Variants in PLCB1 observed in about 807,000 individuals in gnomAD.
PLCB1 encodes 1-phosphatidylinositol 4,5-bisphosphate phosphodiesterase beta-1.
In PLCB1, 46 loss-of-function variants were observed where a neutral mutation model predicts 161.8. The observed-to-expected ratio is 0.28, with a 90% confidence interval of 0.22 to 0.36. The LOEUF (loss-of-function observed/expected upper bound fraction) is 0.36. PLCB1 is among the 10% of genes least tolerant of loss of function. The pLI is 1.00. For missense variants in PLCB1, 1,016 were observed against 1,472.5 expected (o/e 0.69, Z 5.07); for synonymous variants, 517 against 503.7 (o/e 1.03, Z -0.35).
chr20:8,439,994 T>C (rs1980483425), intron 3 of PLCB1, among the ~76,000 whole-genome samples: 2 of 152,174 alleles, frequency 1.3e-5, no homozygotes, highest in Admixed American at 6.5e-5. Flanking sequence ...TTGTTAAGGG[T>C]ACATAAGGCA....
chr20:8,752,289 G>A (rs1008466685), intron 23 of PLCB1: 12 of 152,180 alleles, frequency 7.9e-5, no homozygotes, highest in Non-Finnish European at 1.6e-4. Flanking sequence ...AGTTTCCTGT[G>A]TGACCTCTGG....
At chr20:8,332,466 G>A (rs755765182) in intron 2 of PLCB1, among the ~76,000 whole-genome samples, 18 of 152,124 alleles carry the variant, frequency 1.2e-4, no homozygotes, top group Non-Finnish European at 2.2e-4. Flanking sequence ...ATCACTTGTG[G>A]CATATTATCA....
intron 2 of PLCB1, among the ~76,000 whole-genome samples, chr20:8,239,677 T>C (rs538214542): frequency 1.3e-5 from 2 of 152,040 alleles, no homozygotes; most frequent in South Asian, 4.1e-4. Context: ...ACTGAGTTTA[T>C]TGGTTAACAC....
chr20:8,166,075 C>T (rs941040445), intron 2 of PLCB1, among the ~76,000 whole-genome samples: 1 of 152,130 alleles, frequency 6.6e-6, no homozygotes, highest in African/African-American at 2.4e-5. Context: ...TTAAACATGA[C>T]ATGCTTACCC....
intron 10 of PLCB1, 148 bp downstream of exon 10, chr20:8,685,226 C>G (rs980678509): frequency 7.1e-6 from 5 of 703,660 alleles, no homozygotes; most frequent in Non-Finnish European, 1.2e-5. Context: ...ACTAAAGCCT[C>G]CCGCCTCCCA....
intron 3 of PLCB1, among the ~76,000 whole-genome samples, chr20:8,578,398 A>G (rs529062878): frequency 6.6e-5 from 10 of 152,316 alleles, no homozygotes; most frequent in Admixed American, 6.5e-4. Flanking sequence ...AAAGCTGTTG[A>G]CTCATAAAAA....
intron 4 of PLCB1, among the ~76,000 whole-genome samples, chr20:8,631,567 C>T (rs1054143972): frequency 4.6e-5 from 7 of 152,186 alleles, no homozygotes; most frequent in Non-Finnish European, 8.8e-5. Context: ...AGAATCAGCA[C>T]TCTCCACCAC....
chr20:8,815,525 G>A (rs187334899), intron 31 of PLCB1, among the ~76,000 whole-genome samples: 16 of 152,328 alleles, frequency 1.1e-4, no homozygotes, highest in Non-Finnish European at 1.9e-4. Flanking sequence ...TAGATGGTAA[G>A]AGGTGGTGTT....
chr20:8,658,841 T>C lies in PLCB1; in HGVS notation c.862+137T>C. ...GGCATTCCTTTCGGTCTGAAATCAC[T>C]TGGTGGTTCAGTGCACTAGGTTTTT... On this transcript the variant is annotated intron_variant, in intron 9 of 31. Coordinates refer to ENST00000338037, the MANE Select transcript of PLCB1 (RefSeq NM_015192.4). The C allele has an allele frequency of 4.3e-6, 3 of 697,622 alleles. No individual in the cohort carries two copies. In the South Asian group the frequency reaches 6.6e-5, roughly 15 times the overall value. The allele number at this position is 697,622 out of a possible 1,614,324, so 43.2% of individuals were successfully genotyped here.
intron 3 of PLCB1, among the ~76,000 whole-genome samples, chr20:8,461,001 T>C (rs1161114602): frequency 1.3e-5 from 2 of 152,178 alleles, no homozygotes; most frequent in Non-Finnish European, 2.9e-5. Context: ...ACTTGCCCGA[T>C]GTGGTTAATG....
rs1980705846 is a variant in PLCB1, at chr20:8,738,590, CAT to C, written c.2209-669_2209-668del. Among the ~76,000 whole-genome samples, 2 of 151,752 alleles carry C rather than the reference CAT, an allele frequency of 1.3e-5. 1 individual carries two copies. Among genetic ancestry groups the C allele is most frequent in the South Asian group, 4.2e-4 (2 of 4,818 alleles). On this transcript the variant is annotated intron_variant, in intron 20 of 31. Transcript: ENST00000338037. ...AAACACAAATTAAAAAAAAAGAAAA[CAT>C]AAATGAAATATTCACATGGTGATAA...
At chr20:8,423,815 C>G (rs756274513) in intron 3 of PLCB1, among the ~76,000 whole-genome samples, 1 of 152,158 alleles carries the variant, frequency 6.6e-6, no homozygotes, top group Non-Finnish European at 1.5e-5. Flanking sequence ...ATCTCTGCAC[C>G]TGGCTTCAAA....
chr20:8,285,326 C>G (rs1232751850), intron 2 of PLCB1, among the ~76,000 whole-genome samples: 2 of 150,746 alleles, frequency 1.3e-5, no homozygotes, highest in Non-Finnish European at 3.0e-5. Context: ...ATCTTCAGGG[C>G]TCAATCTTTT....
chr20:8,279,763 T>C (rs1261396437), intron 2 of PLCB1, among the ~76,000 whole-genome samples: 4 of 152,258 alleles, frequency 2.6e-5, no homozygotes, highest in East Asian at 3.9e-4. Context: ...AAATAATACA[T>C]AAAATTAATT....
rs200747481 is a variant in PLCB1, at chr20:8,789,902, C to CT, written c.3337-264dup. 2.7e-3 allele frequency among the ~76,000 whole-genome samples: 413 copies of CT among 151,452 alleles called. 2 individuals carry two copies. The highest frequency in any genetic ancestry group is 4.3e-3 in the Non-Finnish European group (294 of 67,844). On this transcript the variant is annotated intron_variant, in intron 30 of 31. Transcript: ENST00000338037. Reference sequence around the variant, plus strand: ...ATGATGGCAACCTCGAAGGGCTGTCCTTTTTTTTTCCAATTTAATGTCATA... The same window carrying CT: ...ATGATGGCAACCTCGAAGGGCTGTCCTTTTTTTTTTCCAATTTAATGTCATA...
chr20:8,711,406 C>T (rs902492281), intron 12 of PLCB1, among the ~76,000 whole-genome samples: 1 of 152,196 alleles, frequency 6.6e-6, no homozygotes, highest in African/African-American at 2.4e-5. Flanking sequence ...CTGCACTGTG[C>T]CTAAAGGCAA....
intron 23 of PLCB1, chr20:8,750,933 C>CTTTTTTTTTTTTTT: frequency 4.9e-6 from 2 of 411,352 alleles, no homozygotes; most frequent in Non-Finnish European, 7.6e-6. Context: ...GAACTGCACT[C>CTTTTTTTTTTTTTT]TTTTTTTTTT....
intron 7 of PLCB1, among the ~76,000 whole-genome samples, chr20:8,656,117 A>T (rs1989451206): frequency 6.6e-6 from 1 of 152,066 alleles, no homozygotes; most frequent in Non-Finnish European, 1.5e-5. Context: ...AGTTATAATG[A>T]TACAACACAT....
chr20:8,227,900 C>A (rs531519184), intron 2 of PLCB1, among the ~76,000 whole-genome samples: 8 of 152,082 alleles, frequency 5.3e-5, no homozygotes, highest in African/African-American at 1.9e-4. Flanking sequence ...AGATTTTATC[C>A]AAAAATATAT....
Sources: gnomAD v4.1 joint callset for allele counts (sites outside exome capture counted in the v4.1 genomes callset) on GRCh38, gnomAD v4.1.1 for gene constraint, MANE v1.5 for transcripts, NCBI Gene and HGNC (gene_info 2026-07-23, HGNC 2026-07-21) for gene names.